The following RPS6KA5 variants were observed in gnomAD, a reference collection of about 807,000 sequenced individuals.
RPS6KA5 encodes the protein ribosomal protein S6 kinase A5.
In RPS6KA5, 27 loss-of-function variants were observed where a neutral mutation model predicts 85.5. The observed-to-expected ratio is 0.32, with a 90% CI of 0.23 to 0.44. The LOEUF is 0.44. Ranked by LOEUF, RPS6KA5 falls within the 20% of genes least tolerant of loss-of-function variation. The probability of loss-of-function intolerance (pLI) is 1.00; values close to 1 mark genes in which losing one functional copy is unlikely to be tolerated. For missense variants in RPS6KA5, 811 were observed against 980.9 expected, an observed-to-expected ratio of 0.83 and a Z score of 2.31; for synonymous variants, 334 against 348.2, an observed-to-expected ratio of 0.96 and a Z score of 0.46.
At chr14:91,029,990 A>T (rs1404424870) in intron 1 of RPS6KA5, among the ~76,000 whole-genome samples, 1 of 152,198 alleles carries the variant, frequency 6.6e-6, no homozygotes, top group African/African-American at 2.4e-5. Context: ...GATGGAAAAC[A>T]TTTGAAAGAA....
chr14:90,923,867 A>G (rs2036528797), intron 5 of RPS6KA5, among the ~76,000 whole-genome samples: 1 of 152,152 alleles, frequency 6.6e-6, no homozygotes. Context: ...CTAATATATC[A>G]TGCCTGAAAG....
rs902441437 is a variant in RPS6KA5 at position 90,848,327 on chromosome 14, T to C, written c.*23747A>G. On this transcript the variant is annotated 3_prime_UTR_variant, in exon 17 of 17. Transcript: ENST00000614987. Reference sequence around the variant, plus strand: ...CATATCTATAGCAACGAAGGGAACATGGAACATTAGCCCTCCTAAACAATT... The same window carrying C: ...CATATCTATAGCAACGAAGGGAACACGGAACATTAGCCCTCCTAAACAATT... 1.3e-5 allele frequency: 2 copies of C among 152,186 alleles called. No individual in the cohort carries two copies. Among genetic ancestry groups the C allele is most frequent in the African/African-American group, 4.8e-5 (2 of 41,460 alleles). The allele number at this position is 152,186 out of a possible 1,614,324, so 9.4% of individuals were successfully genotyped here.
intron 14 of RPS6KA5, among the ~76,000 whole-genome samples, chr14:90,879,963 T>C (rs1220202237): frequency 2.0e-5 from 3 of 152,018 alleles, no homozygotes; most frequent in African/African-American, 2.4e-5. Flanking sequence ...TTTGTGTTTT[T>C]AGTAGAGGTG....
chr14:91,006,280 T>C (rs2140616542), intron 1 of RPS6KA5, among the ~76,000 whole-genome samples: 1 of 152,326 alleles, frequency 6.6e-6, no homozygotes, highest in South Asian at 2.1e-4. Flanking sequence ...TCTCTTGCAC[T>C]TCTCCCTTCA....
chr14:91,054,764 A>G (rs1286734936), intron 1 of RPS6KA5, among the ~76,000 whole-genome samples: 1 of 152,088 alleles, frequency 6.6e-6, no homozygotes, highest in African/African-American at 2.4e-5. Context: ...CAGCCTGGGC[A>G]ACATAGCAGG....
intron 14 of RPS6KA5, among the ~76,000 whole-genome samples, chr14:90,881,480 G>A (rs112462778): frequency 0.012 from 1,768 of 150,654 alleles, 35 homozygotes; most frequent in African/African-American, 0.041. Flanking sequence ...CTATTTTAGT[G>A]TAGCCACTCC....
At chr14:91,027,173 A>G (rs535878016) in intron 1 of RPS6KA5, among the ~76,000 whole-genome samples, 2 of 152,128 alleles carry the variant, frequency 1.3e-5, no homozygotes, top group South Asian at 4.1e-4. Flanking sequence ...CTTTTTCAGG[A>G]CTTAGGAATT....
intron 4 of RPS6KA5, 26 bp downstream of exon 4, chr14:90,947,408 AG>A (rs1869800439): frequency 4.6e-6 from 6 of 1,316,180 alleles, no homozygotes. Flanking sequence ...ACTTCAGAAA[AG>A]AAACCTGAAA....
At chr14:90,957,168 G>A (rs57965667) in intron 3 of RPS6KA5, among the ~76,000 whole-genome samples, 17 of 151,930 alleles carry the variant, frequency 1.1e-4, no homozygotes, top group South Asian at 4.2e-4. Context: ...GGGTTCAAGC[G>A]ATTCTTGCGC....
chr14:90,896,165 A>G (rs148439933), intron 12 of RPS6KA5, among the ~76,000 whole-genome samples: 4 of 152,316 alleles, frequency 2.6e-5, no homozygotes, highest in Admixed American at 1.3e-4. Context: ...CATCAAGCTA[A>G]CTTGAGTTTC....
intron 1 of RPS6KA5, among the ~76,000 whole-genome samples, chr14:91,004,709 T>C (rs1330461243): frequency 6.6e-6 from 1 of 151,952 alleles, no homozygotes; most frequent in East Asian, 1.9e-4. Context: ...GGCTCACACC[T>C]GTAATCCCAA....
intron 1 of RPS6KA5, among the ~76,000 whole-genome samples, chr14:91,050,692 G>T (rs1340331036): frequency 6.6e-6 from 1 of 152,152 alleles, no homozygotes; most frequent in African/African-American, 2.4e-5. Context: ...GCCTCCCAAA[G>T]TGCTGGGATT....
At chr14:90,876,182 A>G (rs555852223) in intron 14 of RPS6KA5, among the ~76,000 whole-genome samples, 24 of 152,366 alleles carry the variant, frequency 1.6e-4, no homozygotes, top group Non-Finnish European at 2.9e-4. Context: ...AGCAATAAGA[A>G]CAGAAAAGGA....
Position 90,851,599 on chromosome 14 carries a change from T to C in RPS6KA5, c.*20475A>G, listed in dbSNP as rs1285950831. 6.6e-6 allele frequency: 1 copy of C among 152,158 alleles called. No individual in the cohort carries two copies. Among genetic ancestry groups the C allele is most frequent in the African/African-American group, 2.4e-5 (1 of 41,428 alleles). The allele number at this position is 152,158 out of a possible 1,614,324, so 9.4% of individuals were successfully genotyped here. ...CTGGAAATAAAGTACCAAACTGCCT[T>C]TTCCACAAAATCCTCAGTAATACTC... is the stretch of plus-strand genomic sequence containing the variant. On this transcript the variant is annotated 3_prime_UTR_variant, in exon 17 of 17. Transcript: ENST00000614987.
At chr14:90,938,237 C>T (rs2037380945) in intron 5 of RPS6KA5, among the ~76,000 whole-genome samples, 2 of 152,246 alleles carry the variant, frequency 1.3e-5, no homozygotes, top group South Asian at 2.1e-4. Flanking sequence ...CCATGTCTCA[C>T]ATCCAGGTCA....
chr14:90,957,392 T>G (rs1416430378), intron 3 of RPS6KA5, among the ~76,000 whole-genome samples: 1 of 152,202 alleles, frequency 6.6e-6, no homozygotes, highest in East Asian at 1.9e-4. Context: ...TTTCTTTATT[T>G]AATAACTTGG....
In RPS6KA5 at chr14:91,013,476, TG is replaced by T. The variant is rs2041347141; in HGVS notation, c.104-12318del. On this transcript the variant is annotated intron_variant, in intron 1 of 16. Coordinates refer to ENST00000614987, the MANE Select transcript of RPS6KA5 (RefSeq NM_004755.4). ...GGAACAGCAGGGTAAAAAAAAAAGC[TG>T]TGAGTAGGAAGGAAAAGCATACAGA... is the stretch of plus-strand genomic sequence containing the variant. 2.0e-5 allele frequency among the ~76,000 whole-genome samples: 3 copies of T among 148,624 alleles called. No homozygotes were observed. The South Asian group carries it at 6.3e-4, about 31-fold the overall frequency.
In RPS6KA5 at chr14:90,855,438, T is replaced by C. The variant is rs1405401217; in HGVS notation, c.*16636A>G. On this transcript the variant is annotated 3_prime_UTR_variant, in exon 17 of 17. Transcript: ENST00000614987. Reference sequence around the variant, plus strand: ...CAAAGGCCTGGTACTTACATTATTTTTTATTTTTTATTTTTTTGAGACGGA... The same window carrying C: ...CAAAGGCCTGGTACTTACATTATTTCTTATTTTTTATTTTTTTGAGACGGA... The C allele has an allele frequency of 1.0e-5, 1 of 96,754 alleles. No individual in the cohort carries two copies. The highest frequency in any genetic ancestry group is 2.6e-5 in the Non-Finnish European group (1 of 37,890). The allele number at this position is 96,754 out of a possible 1,614,324, so 6.0% of individuals were successfully genotyped here.
intron 1 of RPS6KA5, among the ~76,000 whole-genome samples, chr14:91,056,396 C>T (rs1006544657): frequency 3.9e-5 from 6 of 152,316 alleles, no homozygotes; most frequent in South Asian, 2.1e-4. Context: ...AAGTCCTTCC[C>T]TGAGATCTTT....
Sources: allele counts gnomAD v4.1 joint callset (sites outside exome capture counted in the v4.1 genomes callset), GRCh38; gene constraint gnomAD v4.1.1; transcripts MANE v1.5; gene names NCBI Gene and HGNC (gene_info 2026-07-23, HGNC 2026-07-21).